CALN1: variants seen among roughly 807,000 people sequenced by gnomAD.
CALN1 encodes calcium-binding protein 8.
A neutral mutation model predicts 30.6 loss-of-function variants in CALN1; 17 were observed. The ratio of observed to expected loss-of-function variants is 0.56; its 90% CI spans 0.38 to 0.83. CALN1 has a LOEUF of 0.83. Ranked by LOEUF, CALN1 falls within the 40% of genes least tolerant of loss-of-function variation. The pLI is 0.00. For synonymous variants in CALN1, 156 were observed against 131.4 expected (o/e 1.19, Z -1.28); for missense variants, 291 against 354.9 (o/e 0.82, Z 1.45).
chr7:72,160,367 C>T (rs919657339), intron 3 of CALN1, among the ~76,000 whole-genome samples: 1 of 151,948 alleles, frequency 6.6e-6, no homozygotes, highest in Non-Finnish European at 1.5e-5. Context: ...CAACCTCCAG[C>T]TCCCAGGTTC....
chr7:72,105,214 C>T (rs1466833392), intron 4 of CALN1, among the ~76,000 whole-genome samples: 1 of 152,170 alleles, frequency 6.6e-6, no homozygotes, highest in East Asian at 1.9e-4. Flanking sequence ...CTGGCTCCTC[C>T]CCTGCCCCCG....
chr7:72,299,006 C>T (rs966884119), intron 2 of CALN1, among the ~76,000 whole-genome samples: 4 of 152,022 alleles, frequency 2.6e-5, no homozygotes, highest in African/African-American at 9.7e-5. Flanking sequence ...TCTTTATCAG[C>T]AGCTTGAAAA....
intron 3 of CALN1, among the ~76,000 whole-genome samples, chr7:72,270,411 A>G (rs918327928): frequency 6.6e-6 from 1 of 152,228 alleles, no homozygotes; most frequent in African/African-American, 2.4e-5. Flanking sequence ...GAATTTTTTA[A>G]GACTAAAGAA....
At chr7:72,112,292 T>C (rs1807636509) in intron 3 of CALN1, among the ~76,000 whole-genome samples, 1 of 152,206 alleles carries the variant, frequency 6.6e-6, no homozygotes, top group African/African-American at 2.4e-5. Flanking sequence ...ACAGTACTAA[T>C]TTGCCACCTC....
chr7:72,124,923 A>G (rs1808637550), intron 3 of CALN1, among the ~76,000 whole-genome samples: 1 of 152,198 alleles, frequency 6.6e-6, no homozygotes, highest in Non-Finnish European at 1.5e-5. Flanking sequence ...AAATTACATA[A>G]AAAAAGAATT....
intron 3 of CALN1, among the ~76,000 whole-genome samples, chr7:72,219,880 C>A (rs1002344013): frequency 9.2e-5 from 14 of 152,060 alleles, no homozygotes; most frequent in African/African-American, 3.1e-4. Flanking sequence ...GAGCTACCTT[C>A]TAAACCAGAA....
intron 1 of CALN1, among the ~76,000 whole-genome samples, chr7:72,405,808 C>A (rs1401631866): frequency 2.0e-5 from 3 of 152,148 alleles, no homozygotes; most frequent in Admixed American, 2.0e-4. Flanking sequence ...GTGGTAAATG[C>A]ATATTTCAAA....
At chr7:71,913,502 T>C (rs1467737121) in intron 5 of CALN1, among the ~76,000 whole-genome samples, 2 of 152,236 alleles carry the variant, frequency 1.3e-5, no homozygotes, top group Admixed American at 1.3e-4. Flanking sequence ...GAAAGAAGGA[T>C]GTTGGTGGCA....
intron 5 of CALN1, among the ~76,000 whole-genome samples, chr7:71,983,530 GCTTT>G (rs371817417): frequency 0.02 from 2,853 of 144,104 alleles, 76 homozygotes; most frequent in African/African-American, 0.077. Flanking sequence ...CTGATTGGAT[GCTTT>G]TTTTTTCTTT....
intron 5 of CALN1, among the ~76,000 whole-genome samples, chr7:71,865,776 A>G (rs1791548644): frequency 6.6e-6 from 1 of 152,128 alleles, no homozygotes; most frequent in Admixed American, 6.6e-5. Flanking sequence ...TCATTTAACT[A>G]TACATTTGGA....
chr7:72,501,339 C>T, the CALN1 span, among the ~76,000 whole-genome samples: 1 of 110,920 alleles, frequency 9.0e-6, no homozygotes, highest in Non-Finnish European at 1.7e-5. Flanking sequence ...TCAAAACTAG[C>T]CTGGGCAACA....
rs1792703435 is a variant in CALN1 at position 71,781,350 on chromosome 7, G to A, written c.*6425C>T. 1 of 152,300 alleles carries A rather than the reference G, an allele frequency of 6.6e-6. No homozygotes were observed. Among genetic ancestry groups the A allele is most frequent in the Non-Finnish European group, 1.5e-5 (1 of 68,134 alleles). The allele number at this position is 152,300 out of a possible 1,614,324, so 9.4% of individuals were successfully genotyped here. A position where few individuals can be genotyped will look rare whatever the true frequency, so the allele number is the denominator to read the frequency against. ...TGCTCTCCTGGCCTCAGTTTAACAG[G>A]TCTGAGAGCCCTGAGAGAGGCATTC... On this transcript the variant is annotated 3_prime_UTR_variant, in exon 7 of 7. Transcript: ENST00000395275.
At chr7:72,358,615 C>T (rs1803380279) in intron 2 of CALN1, among the ~76,000 whole-genome samples, 1 of 152,102 alleles carries the variant, frequency 6.6e-6, no homozygotes. Context: ...TGTGAATTCC[C>T]CTCAAGCCCA....
At chr7:72,407,721 G>A (rs753674359) in intron 1 of CALN1, among the ~76,000 whole-genome samples, 1 of 152,182 alleles carries the variant, frequency 6.6e-6, no homozygotes, top group African/African-American at 2.4e-5. Flanking sequence ...TGCAGTAACA[G>A]ACTAATACAC....
chr7:72,226,749 T>C (rs1793705324), intron 3 of CALN1, among the ~76,000 whole-genome samples: 1 of 152,032 alleles, frequency 6.6e-6, no homozygotes, highest in South Asian at 2.1e-4. Flanking sequence ...GACAGGAAAA[T>C]GGGAACCATA....
the CALN1 span, among the ~76,000 whole-genome samples, chr7:72,492,702 C>G: frequency 6.6e-6 from 1 of 152,230 alleles, no homozygotes; most frequent in African/African-American, 2.4e-5. Flanking sequence ...CCACTCTTAT[C>G]TGGACCTGGT....
upstream of CALN1, among the ~76,000 whole-genome samples, chr7:72,451,278 G>A (rs925624489): frequency 2.0e-5 from 3 of 149,272 alleles, no homozygotes; most frequent in Non-Finnish European, 3.0e-5. Flanking sequence ...GAAGGAGGAA[G>A]AAGGGGCGAA....
chr7:72,221,460 G>A (rs1403073241), intron 3 of CALN1, among the ~76,000 whole-genome samples: 2 of 151,824 alleles, frequency 1.3e-5, no homozygotes, highest in Non-Finnish European at 2.9e-5. Flanking sequence ...TGGGATTACA[G>A]GCACCCGCCA....
intron 4 of CALN1, among the ~76,000 whole-genome samples, chr7:72,046,931 G>C (rs1472090490): frequency 6.6e-6 from 1 of 151,922 alleles, no homozygotes; most frequent in Non-Finnish European, 1.5e-5. Context: ...GGGCACGGTG[G>C]CACGTGCCTA....
Sources: gnomAD v4.1 joint callset for allele counts (sites outside exome capture counted in the v4.1 genomes callset) on GRCh38, gnomAD v4.1.1 for gene constraint, MANE v1.5 for transcripts, NCBI Gene and HGNC (gene_info 2026-07-23, HGNC 2026-07-21) for gene names.